Variants in XKR9 observed in about 807,000 individuals in gnomAD.
XKR9 encodes the protein XK-related protein 9.
XKR9 carries 32 observed loss-of-function variants against 32.0 expected under a neutral mutation model. The ratio of observed to expected loss-of-function variants is 1.00; its 90% CI spans 0.76 to 1.34. The LOEUF (loss-of-function observed/expected upper bound fraction) is 1.34, where lower values mean the gene tolerates loss of function less well. XKR9 is among the 40% of genes most tolerant of loss of function. XKR9 has a pLI of 0.00. For missense variants in XKR9, 546 were observed against 429.7 expected, an observed-to-expected ratio of 1.27 and a Z score of -2.39; for synonymous variants, 168 against 143.4, an observed-to-expected ratio of 1.17 and a Z score of -1.22.
intron 3 of XKR9, among the ~76,000 whole-genome samples, chr8:70,696,063 T>C (rs1805263537): frequency 6.6e-6 from 1 of 151,552 alleles, no homozygotes; most frequent in African/African-American, 2.4e-5. Flanking sequence ...TTTGAGTTCA[T>C]TGTAGATTCT....
At chr8:70,804,750 T>G in the XKR9 span, among the ~76,000 whole-genome samples, 1 of 152,236 alleles carries the variant, frequency 6.6e-6, no homozygotes, top group Non-Finnish European at 1.5e-5. Flanking sequence ...CTAAATATAA[T>G]GGGTAGTCAA....
the XKR9 span, among the ~76,000 whole-genome samples, chr8:70,960,990 C>T: frequency 8.6e-5 from 13 of 151,918 alleles, no homozygotes; most frequent in South Asian, 2.1e-4. Context: ...GCCAACATGG[C>T]GAAACCCTGT....
intron 3 of XKR9, among the ~76,000 whole-genome samples, chr8:70,698,935 A>G (rs1324906605): frequency 1.4e-4 from 22 of 152,070 alleles, no homozygotes; most frequent in Non-Finnish European, 2.9e-5. Context: ...TTTACCATTA[A>G]GTAATGGCCT....
chr8:70,956,762 A>AGGT, the XKR9 span, among the ~76,000 whole-genome samples: 1 of 152,178 alleles, frequency 6.6e-6, no homozygotes, highest in East Asian at 1.9e-4. Context: ...GACAGCACCC[A>AGGT]GGTTTGGCCA....
At chr8:70,900,563 T>C in the XKR9 span, among the ~76,000 whole-genome samples, 1 of 152,054 alleles carries the variant, frequency 6.6e-6, no homozygotes, top group African/African-American at 2.4e-5. Flanking sequence ...TACTCCAGCC[T>C]GGGCAAAAGA....
chr8:70,684,656 C>A (rs546365508), intron 3 of XKR9, among the ~76,000 whole-genome samples: 7 of 150,408 alleles, frequency 4.7e-5, no homozygotes, highest in East Asian at 3.9e-4. Context: ...AAGAAAAAAA[C>A]AAACAACCCC....
At chr8:70,997,738 C>T in the XKR9 span, among the ~76,000 whole-genome samples, 1 of 152,082 alleles carries the variant, frequency 6.6e-6, no homozygotes, top group Non-Finnish European at 1.5e-5. Flanking sequence ...AACCAAATAC[C>T]ACCTGTTCCC....
rs1818620235 is a variant in XKR9 at position 70,669,479 on chromosome 8, G to C, written c.-420G>C. ...ACGGGTTTGTGTCCTAGACAGGCGA[G>C]TGGATCCAAGTGGGCGAGAGACATT... On this transcript the variant is annotated 5_prime_UTR_variant, in exon 1 of 5. Transcript: ENST00000408926. The C allele has an allele frequency of 4.0e-6, 1 of 247,810 alleles. No homozygotes were observed. Among genetic ancestry groups the C allele is most frequent in the African/African-American group, 2.3e-5 (1 of 43,244 alleles). 15.4% of individuals were successfully genotyped at this position (247,810 alleles called of 1,614,324 possible).
chr8:70,879,416 C>T, the XKR9 span, among the ~76,000 whole-genome samples: 3 of 151,714 alleles, frequency 2.0e-5, no homozygotes, highest in East Asian at 1.9e-4. Context: ...ACTAGTAAGA[C>T]TAATGAAGAA....
chr8:70,716,415 C>T (rs2132203439), intron 4 of XKR9, among the ~76,000 whole-genome samples: 1 of 144,946 alleles, frequency 6.9e-6, no homozygotes, highest in South Asian at 2.1e-4. Flanking sequence ...AATTGACTCA[C>T]ATTCTGCAGG....
At chr8:70,886,465 A>T in the XKR9 span, among the ~76,000 whole-genome samples, 16 of 152,188 alleles carry the variant, frequency 1.1e-4, no homozygotes, top group Non-Finnish European at 1.5e-5. Context: ...GAATCACCAC[A>T]TGGTTTTCCA....
intron 4 of XKR9, among the ~76,000 whole-genome samples, chr8:70,731,213 A>G (rs531175986): frequency 3.3e-5 from 5 of 152,194 alleles, no homozygotes; most frequent in Non-Finnish European, 5.9e-5. Context: ...TTTTCTATCA[A>G]TCAGACTCAT....
At chr8:70,942,985 C>T in the XKR9 span, among the ~76,000 whole-genome samples, 1 of 152,062 alleles carries the variant, frequency 6.6e-6, no homozygotes, top group Non-Finnish European at 1.5e-5. Flanking sequence ...AAGAGATTTA[C>T]ATTTCAAAAA....
chr8:70,716,433 T>C (rs1806090925), intron 4 of XKR9, among the ~76,000 whole-genome samples: 1 of 151,514 alleles, frequency 6.6e-6, no homozygotes, highest in Admixed American at 6.6e-5. Flanking sequence ...AGGGCTGCGG[T>C]GGGGGGCCTT....
the XKR9 span, among the ~76,000 whole-genome samples, chr8:70,861,764 T>C: frequency 6.6e-6 from 1 of 152,186 alleles, no homozygotes; most frequent in Non-Finnish European, 1.5e-5. Flanking sequence ...TGTATACATA[T>C]TAGCTGTTCA....
At chr8:70,683,521 T>C (rs915984104) in intron 3 of XKR9, 11 of 448,928 alleles carry the variant, frequency 2.5e-5, no homozygotes, top group Non-Finnish European at 3.6e-5. Context: ...AGGGCCTTGC[T>C]CTGTCACCCA....
At chr8:70,871,088 GA>G in the XKR9 span, among the ~76,000 whole-genome samples, 1 of 152,070 alleles carries the variant, frequency 6.6e-6, no homozygotes, top group Non-Finnish European at 1.5e-5. Context: ...CAGAGAATTT[GA>G]AACAGTAAAG....
At chr8:70,984,799 A>C in the XKR9 span, among the ~76,000 whole-genome samples, 3 of 152,240 alleles carry the variant, frequency 2.0e-5, no homozygotes, top group Admixed American at 6.5e-5. Context: ...GAACTAAAAA[A>C]ATATTAATTG....
At chr8:70,780,985 T>A (rs143944574) in intron 2 of XKR9, 2 of 152,088 alleles carry the variant, frequency 1.3e-5, no homozygotes, top group South Asian at 4.1e-4. Context: ...TAAGTTCTGA[T>A]AACCCACCAT....
Sources: allele counts gnomAD v4.1 joint callset (sites outside exome capture counted in the v4.1 genomes callset), GRCh38; gene constraint gnomAD v4.1.1; transcripts MANE v1.5; gene names NCBI Gene and HGNC (gene_info 2026-07-23, HGNC 2026-07-21).